FHIT: variants seen among roughly 807,000 people sequenced by gnomAD.
FHIT encodes the protein bis(5'-adenosyl)-triphosphatase.
Under a neutral mutation model 17.9 loss-of-function variants are expected in FHIT, and 19 were observed. That is an observed-to-expected ratio of 1.06 (90% confidence interval 0.74 to 1.56). FHIT has a LOEUF of 1.56. Ranked by LOEUF, FHIT falls within the 40% of genes most tolerant of loss-of-function variation. FHIT has a pLI of 0.00. For missense variants in FHIT, 248 were observed against 189.2 expected (o/e 1.31, Z -1.82); for synonymous variants, 81 against 69.7 (o/e 1.16, Z -0.81).
intron 2 of FHIT, among the ~76,000 whole-genome samples, chr3:61,179,346 G>T (rs895440928): frequency 6.6e-6 from 1 of 151,868 alleles, no homozygotes; most frequent in African/African-American, 2.4e-5. Context: ...AGATCATTCC[G>T]AATTTCACAA....
intron 5 of FHIT, among the ~76,000 whole-genome samples, chr3:60,223,502 T>C (rs986214368): frequency 6.7e-6 from 1 of 148,192 alleles, no homozygotes; most frequent in Non-Finnish European, 1.5e-5. Flanking sequence ...CTTATTTTAT[T>C]TACTAATCTA....
intron 3 of FHIT, among the ~76,000 whole-genome samples, chr3:60,985,757 T>A (rs971470367): frequency 2.0e-5 from 3 of 152,242 alleles, no homozygotes; most frequent in Non-Finnish European, 4.4e-5. Flanking sequence ...CTTCCTCCTG[T>A]TGCTGTAACA....
At chr3:61,124,304 C>T (rs745604529) in intron 2 of FHIT, among the ~76,000 whole-genome samples, 5 of 152,166 alleles carry the variant, frequency 3.3e-5, no homozygotes, top group Admixed American at 1.3e-4. Flanking sequence ...ACTTCCATCA[C>T]ACCAACCAGG....
At position 61,142,114 on chromosome 3, in the gene FHIT, TA is replaced by T. The variant is rs71629119; in HGVS notation, c.-164+58502del. 1.0e-4 allele frequency among the ~76,000 whole-genome samples: 15 copies of T among 150,648 alleles called. 1 individual carries two copies. Among genetic ancestry groups the T allele is most frequent in the South Asian group, 4.2e-4 (2 of 4,756 alleles). ...GATATTATCTTAAAATGCTTTCTCT[TA>T]AAAAAAATTTTTTTTTTATCTGAGA... On this transcript the variant is annotated intron_variant, in intron 2 of 9. Coordinates refer to ENST00000492590, the MANE Select transcript of FHIT (RefSeq NM_002012.4).
At chr3:60,578,289 T>A (rs1171780813) in intron 4 of FHIT, among the ~76,000 whole-genome samples, 5 of 151,754 alleles carry the variant, frequency 3.3e-5, no homozygotes, top group African/African-American at 1.2e-4. Flanking sequence ...ATACAAAAAT[T>A]AGCTGAGTAT....
At chr3:60,438,945 T>G (rs568660863) in intron 5 of FHIT, among the ~76,000 whole-genome samples, 86 of 152,284 alleles carry the variant, frequency 5.6e-4, no homozygotes, top group African/African-American at 1.8e-3. Context: ...TGTATTTACA[T>G]GATTTAAGAA....
intron 8 of FHIT, among the ~76,000 whole-genome samples, chr3:59,921,396 G>A (rs1160581819): frequency 6.6e-6 from 1 of 152,154 alleles, no homozygotes; most frequent in African/African-American, 2.4e-5. Flanking sequence ...ATAAACAATC[G>A]AGATAAACAA....
chr3:60,373,132 A>G (rs1018476235), intron 5 of FHIT, among the ~76,000 whole-genome samples: 1 of 152,160 alleles, frequency 6.6e-6, no homozygotes, highest in Non-Finnish European at 1.5e-5. Flanking sequence ...CTTGCCTTCA[A>G]CAGCCTCTAG....
intron 4 of FHIT, among the ~76,000 whole-genome samples, chr3:60,588,378 G>A (rs1253213150): frequency 6.6e-6 from 1 of 151,762 alleles, no homozygotes; most frequent in Non-Finnish European, 1.5e-5. Flanking sequence ...ATCTAAGTAC[G>A]GAATGTGAAA....
At chr3:60,053,067 G>C (rs1214756320) in intron 5 of FHIT, among the ~76,000 whole-genome samples, 1 of 151,850 alleles carries the variant, frequency 6.6e-6, no homozygotes, top group Non-Finnish European at 1.5e-5. Context: ...GTGAGAATGA[G>C]AATAAGAATG....
chr3:60,752,713 A>G (rs1483972067), intron 4 of FHIT, among the ~76,000 whole-genome samples: 3 of 152,210 alleles, frequency 2.0e-5, no homozygotes, highest in Non-Finnish European at 4.4e-5. Context: ...TGTGTGTCCT[A>G]TAAAATATGT....
chr3:59,933,621 T>C (rs1706081034), intron 7 of FHIT, among the ~76,000 whole-genome samples: 1 of 152,116 alleles, frequency 6.6e-6, no homozygotes, highest in Admixed American at 6.6e-5. Flanking sequence ...CCTTCCTGAG[T>C]AAATAACTAA....
At chr3:60,424,039 A>G (rs946392755) in intron 5 of FHIT, among the ~76,000 whole-genome samples, 2 of 152,182 alleles carry the variant, frequency 1.3e-5, no homozygotes, top group East Asian at 3.9e-4. Flanking sequence ...AAACACTTAC[A>G]TGGAACCATT....
chr3:60,248,873 A>T (rs988149568), intron 5 of FHIT, among the ~76,000 whole-genome samples: 1 of 152,148 alleles, frequency 6.6e-6, no homozygotes, highest in Admixed American at 6.5e-5. Context: ...TTATACCAGA[A>T]GGAAAGTCAC....
chr3:60,495,266 T>C (rs1410178332), intron 5 of FHIT, among the ~76,000 whole-genome samples: 1 of 152,176 alleles, frequency 6.6e-6, no homozygotes, highest in African/African-American at 2.4e-5. Context: ...CTATTTTTAG[T>C]GTATGGTTTC....
intron 3 of FHIT, among the ~76,000 whole-genome samples, chr3:60,982,211 G>A (rs189029044): frequency 2.6e-5 from 4 of 152,310 alleles, no homozygotes; most frequent in East Asian, 3.9e-4. Context: ...CCTGGCCTAC[G>A]GGGCCTTCCA....
At position 60,601,359 on chromosome 3, in the gene FHIT, T is replaced by C. The variant is rs139750176; in HGVS notation, c.-17-64380A>G. ...CACATCTCCAGAGTTTCTGATTCAATGTGTATGAGGTGAGGCCCACAGATT... is the reference window on the plus strand; with the variant it reads ...CACATCTCCAGAGTTTCTGATTCAACGTGTATGAGGTGAGGCCCACAGATT... On this transcript the variant is annotated intron_variant, in intron 4 of 9. Transcript: ENST00000492590. Among the ~76,000 whole-genome samples, 17 of 152,246 alleles carry C rather than the reference T, an allele frequency of 1.1e-4. No individual in the cohort carries two copies. In the East Asian group the frequency reaches 1.9e-3, roughly 17 times the overall value.
chr3:60,502,129 A>G (rs2034549531), intron 5 of FHIT, among the ~76,000 whole-genome samples: 1 of 152,214 alleles, frequency 6.6e-6, no homozygotes, highest in African/African-American at 2.4e-5. Flanking sequence ...AAGTGATAGT[A>G]GTTATCACAC....
chr3:60,226,491 A>C (rs1310875335), intron 5 of FHIT, among the ~76,000 whole-genome samples: 1 of 151,466 alleles, frequency 6.6e-6, no homozygotes, highest in East Asian at 1.9e-4. Flanking sequence ...AAAAAAAAAA[A>C]AAACACTGCC....
Sources: allele counts gnomAD v4.1 joint callset (sites outside exome capture counted in the v4.1 genomes callset), GRCh38; gene constraint gnomAD v4.1.1; transcripts MANE v1.5; gene names NCBI Gene and HGNC (gene_info 2026-07-23, HGNC 2026-07-21).